Variants in NRXN3 observed in about 807,000 individuals in gnomAD.
NRXN3 encodes the protein neurexin III.
A neutral mutation model predicts 137.6 loss-of-function variants in NRXN3; 32 were observed. That is an observed-to-expected ratio of 0.23 (90% CI 0.18 to 0.31). The LOEUF (loss-of-function observed/expected upper bound fraction) is 0.31, where lower values mean the gene tolerates loss of function less well. NRXN3 is among the 10% of genes least tolerant of loss of function. The probability of loss-of-function intolerance (pLI) is 1.00; values close to 1 mark genes in which losing one functional copy is unlikely to be tolerated. For missense variants in NRXN3, 1,574 were observed against 2,062.5 expected (o/e 0.76, Z 4.59); for synonymous variants, 798 against 784.5 (o/e 1.02, Z -0.29).
intron 8 of NRXN3, among the ~76,000 whole-genome samples, chr14:78,754,133 G>A (rs1247023158): frequency 6.6e-6 from 1 of 152,156 alleles, no homozygotes; most frequent in African/African-American, 2.4e-5. Flanking sequence ...TCGAGGTTAG[G>A]CGTTAGTTTC....
intron 4 of NRXN3, among the ~76,000 whole-genome samples, chr14:78,436,856 T>A (rs1407796016): frequency 1.3e-5 from 2 of 152,180 alleles, no homozygotes; most frequent in African/African-American, 4.8e-5. Context: ...ATTTAGCTCT[T>A]ATGTGCAGGG....
intron 10 of NRXN3, among the ~76,000 whole-genome samples, chr14:78,861,417 T>G (rs577204451): frequency 1.3e-5 from 2 of 152,246 alleles, no homozygotes; most frequent in South Asian, 4.1e-4. Flanking sequence ...TGCTTTTTCT[T>G]TTTTCTTGGA....
At chr14:79,123,241 G>A (rs897019763) in intron 15 of NRXN3, among the ~76,000 whole-genome samples, 10 of 151,704 alleles carry the variant, frequency 6.6e-5, no homozygotes, top group Admixed American at 1.3e-4. Context: ...GCGTGTGTGC[G>A]TGCGCGCACA....
chr14:79,448,371 T>G (rs1176932402), intron 15 of NRXN3, among the ~76,000 whole-genome samples: 1 of 152,172 alleles, frequency 6.6e-6, no homozygotes, highest in African/African-American at 2.4e-5. Context: ...CCCTTGAAAT[T>G]CCCAGACATT....
intron 4 of NRXN3, among the ~76,000 whole-genome samples, chr14:78,531,172 T>C (rs936713100): frequency 3.3e-5 from 5 of 152,204 alleles, no homozygotes; most frequent in South Asian, 2.1e-4. Flanking sequence ...CCTGGGCTAC[T>C]TTCATGAGGA....
chr14:78,276,260 T>C (rs2073574263), intron 2 of NRXN3, among the ~76,000 whole-genome samples: 1 of 152,220 alleles, frequency 6.6e-6, no homozygotes. Context: ...GAATTTGTTT[T>C]GATCCTTGCT....
intron 15 of NRXN3, chr14:79,280,904 C>G (rs1019170249): frequency 9.6e-6 from 2 of 209,062 alleles, no homozygotes; most frequent in Non-Finnish European, 2.0e-5. Flanking sequence ...ATTCATTCAC[C>G]TTGCTTTCAC....
At position 79,044,989 on chromosome 14, in the gene NRXN3, T is replaced by G. The variant is rs533029074; in HGVS notation, c.3262+56848T>G. Among the ~76,000 whole-genome samples the G allele has an allele frequency of 1.1e-4, 16 of 152,292 alleles. 1 individual carries two copies. In the South Asian group the frequency reaches 2.3e-3, roughly 22 times the overall value. On this transcript the variant is annotated intron_variant, in intron 15 of 20. Coordinates refer to ENST00000335750, the MANE Select transcript of NRXN3 (RefSeq NM_001330195.2). ...CTATGGTGTCTTTTGATTTTATGGT[T>G]CATTGCTTAGGCCTTGTCATAAAAA...
intron 15 of NRXN3, among the ~76,000 whole-genome samples, chr14:79,331,638 A>G (rs1243586975): frequency 1.3e-5 from 2 of 152,108 alleles, no homozygotes; most frequent in South Asian, 4.1e-4. Flanking sequence ...GTCACCTTTA[A>G]TTACCCACCA....
chr14:78,479,745 A>G (rs1474085880), intron 4 of NRXN3, among the ~76,000 whole-genome samples: 1 of 152,172 alleles, frequency 6.6e-6, no homozygotes, highest in Non-Finnish European at 1.5e-5. Flanking sequence ...GTGTGACCCT[A>G]TGAAGGTTTT....
intron 16 of NRXN3, among the ~76,000 whole-genome samples, chr14:79,581,771 G>A (rs10132897): frequency 0.089 from 13,498 of 152,112 alleles, 1,226 homozygotes; most frequent in African/African-American, 0.23. Flanking sequence ...TTACGTGGTC[G>A]TTTTGTTTCT....
At chr14:79,327,283 C>T (rs1598756841) in intron 15 of NRXN3, among the ~76,000 whole-genome samples, 1 of 152,072 alleles carries the variant, frequency 6.6e-6, no homozygotes, top group East Asian at 1.9e-4. Flanking sequence ...TTGGTGTAGA[C>T]CTATAAATAG....
intron 10 of NRXN3, among the ~76,000 whole-genome samples, chr14:78,952,623 A>C (rs968328751): frequency 5.9e-5 from 9 of 152,298 alleles, no homozygotes; most frequent in African/African-American, 2.2e-4. Flanking sequence ...AACACAGTCC[A>C]TCATTTTGAG....
At chr14:79,250,387 A>G (rs2075771908) in intron 15 of NRXN3, among the ~76,000 whole-genome samples, 1 of 152,196 alleles carries the variant, frequency 6.6e-6, no homozygotes, top group African/African-American at 2.4e-5. Context: ...TTAAATTTTC[A>G]TCCTAAATTG....
chr14:79,582,285 A>T (rs953565173), intron 16 of NRXN3, among the ~76,000 whole-genome samples: 1 of 151,938 alleles, frequency 6.6e-6, no homozygotes, highest in African/African-American at 2.4e-5. Flanking sequence ...ATGTAAGGTA[A>T]TAGGAGCTCA....
intron 14 of NRXN3, among the ~76,000 whole-genome samples, chr14:78,986,365 T>G (rs73317248): frequency 0.046 from 7,075 of 152,166 alleles, 604 homozygotes; most frequent in African/African-American, 0.16. Context: ...TAATCCTAAA[T>G]GTATAGATTT....
intron 15 of NRXN3, among the ~76,000 whole-genome samples, chr14:79,249,992 G>A (rs1486583567): frequency 1.3e-5 from 2 of 152,190 alleles, no homozygotes; most frequent in African/African-American, 4.8e-5. Flanking sequence ...TGGTGCTTAT[G>A]CACTAATAAC....
At chr14:78,391,151 A>C (rs1426000484) in intron 4 of NRXN3, among the ~76,000 whole-genome samples, 1 of 152,174 alleles carries the variant, frequency 6.6e-6, no homozygotes. Flanking sequence ...TATGGTGCAT[A>C]TGTACCCCTG....
intron 4 of NRXN3, among the ~76,000 whole-genome samples, chr14:78,540,343 T>A (rs1367693949): frequency 6.6e-6 from 1 of 152,056 alleles, no homozygotes; most frequent in African/African-American, 2.4e-5. Flanking sequence ...GTTGAATTGA[T>A]CCCTTTACCA....
Sources: allele counts gnomAD v4.1 joint callset (sites outside exome capture counted in the v4.1 genomes callset), GRCh38; gene constraint gnomAD v4.1.1; transcripts MANE v1.5; gene names NCBI Gene and HGNC (gene_info 2026-07-23, HGNC 2026-07-21).